Variants in GRIA4 observed in about 807,000 individuals in gnomAD.
The protein encoded by GRIA4 is glutamate ionotropic receptor AMPA type subunit 4, also known as glutamate receptor 4.
Under a neutral mutation model 104.0 loss-of-function variants are expected in GRIA4, and 34 were observed. The ratio of observed to expected loss-of-function variants is 0.33; its 90% CI spans 0.25 to 0.44. The LOEUF (loss-of-function observed/expected upper bound fraction) is 0.44, where lower values mean the gene tolerates loss of function less well. GRIA4 is among the 20% of genes least tolerant of loss of function. The probability of loss-of-function intolerance (pLI) is 1.00; values close to 1 mark genes in which losing one functional copy is unlikely to be tolerated. For missense variants in GRIA4, 750 were observed against 1,096.5 expected (o/e 0.68, Z 4.46); for synonymous variants, 386 against 381.9 (o/e 1.01, Z -0.13).
At chr11:105,710,260 T>C (rs1953864033) in intron 3 of GRIA4, among the ~76,000 whole-genome samples, 1 of 152,114 alleles carries the variant, frequency 6.6e-6, no homozygotes, top group Non-Finnish European at 1.5e-5. Flanking sequence ...CATTCTGGTT[T>C]AATCTCTGTA....
chr11:105,618,334 A>T (rs1314536484), intron 3 of GRIA4, among the ~76,000 whole-genome samples: 1 of 152,002 alleles, frequency 6.6e-6, no homozygotes, highest in Admixed American at 6.6e-5. Context: ...AGAGGACAAA[A>T]TAGGTACAAA....
At chr11:105,705,882 C>T (rs1355495768) in intron 3 of GRIA4, among the ~76,000 whole-genome samples, 2 of 152,170 alleles carry the variant, frequency 1.3e-5, no homozygotes, top group Non-Finnish European at 2.9e-5. Context: ...ACCTTTCTAT[C>T]TAGCAATGAC....
At chr11:105,851,947 A>G (rs1353083786) in intron 4 of GRIA4, among the ~76,000 whole-genome samples, 1 of 152,222 alleles carries the variant, frequency 6.6e-6, no homozygotes, top group East Asian at 1.9e-4. Context: ...TTCCATTTCT[A>G]TATCGGCAGC....
chr11:105,642,049 C>T (rs1951378764), intron 3 of GRIA4, among the ~76,000 whole-genome samples: 1 of 152,072 alleles, frequency 6.6e-6, no homozygotes, highest in African/African-American at 2.4e-5. Flanking sequence ...TGTCTGTGTC[C>T]TAATTCCTCT....
chr11:105,892,802 G>A (rs1946503860), intron 6 of GRIA4, among the ~76,000 whole-genome samples: 1 of 152,098 alleles, frequency 6.6e-6, no homozygotes. Flanking sequence ...TTACAACATG[G>A]TAAGCTAGCA....
intron 4 of GRIA4, among the ~76,000 whole-genome samples, chr11:105,794,701 T>C (rs1270742422): frequency 6.6e-6 from 1 of 150,690 alleles, no homozygotes; most frequent in Non-Finnish European, 1.5e-5. Flanking sequence ...ATCTGAGACC[T>C]GTCCTTACAG....
intron 4 of GRIA4, among the ~76,000 whole-genome samples, chr11:105,810,359 A>G (rs1316949664): frequency 6.6e-6 from 1 of 152,140 alleles, no homozygotes; most frequent in Non-Finnish European, 1.5e-5. Context: ...GGTGAAAGAG[A>G]GGGAGAAGTA....
At chr11:105,845,950 A>G (rs1944579022) in intron 4 of GRIA4, among the ~76,000 whole-genome samples, 3 of 152,212 alleles carry the variant, frequency 2.0e-5, no homozygotes, top group Non-Finnish European at 2.9e-5. Context: ...TGAGGAAATA[A>G]GAAGTGTGAA....
intron 4 of GRIA4, among the ~76,000 whole-genome samples, chr11:105,836,409 A>C (rs763357203): frequency 1.3e-4 from 20 of 152,136 alleles, no homozygotes; most frequent in Non-Finnish European, 2.6e-4. Flanking sequence ...ACTGAGAATA[A>C]TCATGAAGCG....
intron 3 of GRIA4, among the ~76,000 whole-genome samples, chr11:105,745,179 T>C (rs1277876105): frequency 6.6e-6 from 1 of 152,126 alleles, no homozygotes; most frequent in Non-Finnish European, 1.5e-5. Context: ...AATAAAATAA[T>C]AATAACGATA....
chr11:105,614,798 C>T (rs181537485), intron 3 of GRIA4, among the ~76,000 whole-genome samples: 4 of 151,940 alleles, frequency 2.6e-5, no homozygotes, highest in Non-Finnish European at 5.9e-5. Flanking sequence ...GAGTGTGGGT[C>T]AGGTGATTGG....
chr11:105,680,250 G>A (rs1253255349), intron 3 of GRIA4, among the ~76,000 whole-genome samples: 4 of 152,096 alleles, frequency 2.6e-5, no homozygotes, highest in Non-Finnish European at 4.4e-5. Context: ...TTGCTAGTGG[G>A]TTACTAGGGG....
chr11:105,680,726 C>G (rs1015004416), intron 3 of GRIA4, among the ~76,000 whole-genome samples: 2 of 152,132 alleles, frequency 1.3e-5, no homozygotes, highest in African/African-American at 4.8e-5. Flanking sequence ...CCTCCCTTCC[C>G]CAGTGAGGTT....
At chr11:105,864,268 T>C (rs1315914645) in intron 5 of GRIA4, among the ~76,000 whole-genome samples, 3 of 152,324 alleles carry the variant, frequency 2.0e-5, no homozygotes, top group East Asian at 3.9e-4. Flanking sequence ...CTTGTAGCTC[T>C]AAATGAAACA....
intron 3 of GRIA4, among the ~76,000 whole-genome samples, chr11:105,743,775 A>G (rs1487223586): frequency 3.9e-5 from 6 of 152,206 alleles, no homozygotes; most frequent in African/African-American, 7.2e-5. Flanking sequence ...CCAAGGTGAT[A>G]CCACCGCTAT....
intron 14 of GRIA4, among the ~76,000 whole-genome samples, chr11:105,961,841 T>G (rs1202737053): frequency 6.6e-6 from 1 of 152,244 alleles, no homozygotes; most frequent in Non-Finnish European, 1.5e-5. Flanking sequence ...ATAAACTGCA[T>G]TAATTCCATA....
At chr11:105,816,065 A>G (rs1316262469) in intron 4 of GRIA4, among the ~76,000 whole-genome samples, 2 of 152,180 alleles carry the variant, frequency 1.3e-5, no homozygotes, top group African/African-American at 4.8e-5. Context: ...GCACAGTATA[A>G]TAAGAACATA....
chr11:105,710,720 T>C (rs1953880557), intron 3 of GRIA4, among the ~76,000 whole-genome samples: 1 of 152,122 alleles, frequency 6.6e-6, no homozygotes. Flanking sequence ...GCATAAATTA[T>C]TGAAGCCTCA....
chr11:105,946,192 G>C (rs1482644544), intron 14 of GRIA4, among the ~76,000 whole-genome samples: 1 of 151,970 alleles, frequency 6.6e-6, no homozygotes, highest in Non-Finnish European at 1.5e-5. Context: ...CTCACTTTTT[G>C]TGTTGTTGTC....
Sources: gnomAD v4.1 joint callset for allele counts (sites outside exome capture counted in the v4.1 genomes callset) on GRCh38, gnomAD v4.1.1 for gene constraint, MANE v1.5 for transcripts, NCBI Gene and HGNC (gene_info 2026-07-23, HGNC 2026-07-21) for gene names.